The following CACNA2D3 variants were observed in gnomAD, a reference collection of about 807,000 sequenced individuals.
The protein encoded by CACNA2D3 is voltage-dependent calcium channel subunit alpha-2/delta-3.
CACNA2D3 carries 60 observed loss-of-function variants against 160.6 expected under a neutral mutation model. The ratio of observed to expected loss-of-function variants is 0.37; its 90% CI spans 0.30 to 0.46. The LOEUF (loss-of-function observed/expected upper bound fraction) is 0.46. CACNA2D3 is among the 20% of genes least tolerant of loss of function. The probability of loss-of-function intolerance (pLI) is 1.00; values close to 1 mark genes in which losing one functional copy is unlikely to be tolerated. For synonymous variants in CACNA2D3, 558 were observed against 492.9 expected, an observed-to-expected ratio of 1.13 and a Z score of -1.75; for missense variants, 1,205 against 1,365.0, an observed-to-expected ratio of 0.88 and a Z score of 1.85.
intron 27 of CACNA2D3, among the ~76,000 whole-genome samples, chr3:54,968,183 T>C (rs1702192712): frequency 6.6e-6 from 1 of 152,048 alleles, no homozygotes; most frequent in Non-Finnish European, 1.5e-5. Flanking sequence ...GGTGCAAGCA[T>C]ATGAATTTTA....
intron 11 of CACNA2D3, among the ~76,000 whole-genome samples, chr3:54,695,038 A>G (rs1389915649): frequency 2.0e-5 from 3 of 151,648 alleles, no homozygotes; most frequent in Admixed American, 6.6e-5. Flanking sequence ...TTTTTTTGAG[A>G]TGGAGTTTTG....
At chr3:54,840,704 C>T (rs1404038471) in intron 16 of CACNA2D3, among the ~76,000 whole-genome samples, 1 of 142,050 alleles carries the variant, frequency 7.0e-6, no homozygotes, top group Non-Finnish European at 1.5e-5. Context: ...CCACTGCACC[C>T]TGCCAAGAGC....
In CACNA2D3 at chr3:54,854,362, C is replaced by T. The variant is rs1304100810; in HGVS notation, c.1626+7895C>T. On this transcript the variant is annotated intron_variant, in intron 17 of 37. Coordinates refer to ENST00000474759, the MANE Select transcript of CACNA2D3 (RefSeq NM_018398.3). Reference sequence around the variant, plus strand: ...GGTCTGGGCACGAGTGGACAGATTGCAGCGTTGAGGGGAGGGCTTACAACT... The same window carrying T: ...GGTCTGGGCACGAGTGGACAGATTGTAGCGTTGAGGGGAGGGCTTACAACT... Among the ~76,000 whole-genome samples, 3 of 152,184 alleles carry T rather than the reference C, an allele frequency of 2.0e-5. No homozygotes were observed. The East Asian group carries it at 5.8e-4, about 29-fold the overall frequency.
At chr3:54,600,597 C>CA (rs1160002887) in intron 9 of CACNA2D3, among the ~76,000 whole-genome samples, 1 of 152,156 alleles carries the variant, frequency 6.6e-6, no homozygotes, top group African/African-American at 2.4e-5. Flanking sequence ...GGCTTCTCCT[C>CA]AAGGACCACT....
chr3:54,573,797 C>T (rs147525409), intron 8 of CACNA2D3, among the ~76,000 whole-genome samples: 200 of 152,360 alleles, frequency 1.3e-3, no homozygotes, highest in African/African-American at 4.4e-3. Flanking sequence ...TTTTCATTTG[C>T]ATTCCCTTGA....
rs189922751 is a variant in CACNA2D3, at chr3:54,286,179, G to A, written c.205-34263G>A. The stretch of plus-strand genomic sequence containing the variant: ...CAATGGCAAAGAAGTTAAAAACTTT[G>A]AAAAAAAATTAGAGGAATGTATAAC... On this transcript the variant is annotated intron_variant, in intron 2 of 37. Coordinates refer to ENST00000474759, the MANE Select transcript of CACNA2D3 (RefSeq NM_018398.3). Among the ~76,000 whole-genome samples, 647 of 151,910 alleles carry A rather than the reference G, an allele frequency of 4.3e-3. 4 individuals carry two copies. Among genetic ancestry groups the A allele is most frequent in the African/African-American group, 0.013 (538 of 41,454 alleles).
At position 54,290,305 on chromosome 3, in the gene CACNA2D3, G is replaced by A. The variant is rs1045297434; in HGVS notation, c.205-30137G>A. Among the ~76,000 whole-genome samples the A allele has an allele frequency of 3.3e-5, 5 of 152,296 alleles. No homozygotes were observed. The South Asian group carries it at 6.2e-4, about 19-fold the overall frequency. On this transcript the variant is annotated intron_variant, in intron 2 of 37. Coordinates refer to ENST00000474759, the MANE Select transcript of CACNA2D3 (RefSeq NM_018398.3). ...TTTATGCAGCCAAAAAGCACATGAAGAAATGCTCATCATCACTGGCCATCA... is the reference window on the plus strand; with the variant it reads ...TTTATGCAGCCAAAAAGCACATGAAAAAATGCTCATCATCACTGGCCATCA...
rs182873104 is a variant in CACNA2D3 at position 54,146,710 on chromosome 3, C to G, written c.204+23116C>G. On this transcript the variant is annotated intron_variant, in intron 2 of 37. Transcript: ENST00000474759. ...GTGGTCTTTCTGAGCCGCATGTGCACAGAACGTCTTAGGGGGAGGCCCTGA... is the reference window on the plus strand; with the variant it reads ...GTGGTCTTTCTGAGCCGCATGTGCAGAGAACGTCTTAGGGGGAGGCCCTGA... Among the ~76,000 whole-genome samples, 142 of 152,370 alleles carry G rather than the reference C, an allele frequency of 9.3e-4. 1 individual carries two copies. The highest frequency in any genetic ancestry group is 1.6e-3 in the Non-Finnish European group (112 of 68,040).
chr3:54,976,477 T>G (rs1488656187), intron 29 of CACNA2D3, among the ~76,000 whole-genome samples: 1 of 152,006 alleles, frequency 6.6e-6, no homozygotes, highest in Non-Finnish European at 1.5e-5. Flanking sequence ...AAACTTAAAG[T>G]ATAATAATAA....
At chr3:54,713,850 G>C (rs1415439670) in intron 11 of CACNA2D3, among the ~76,000 whole-genome samples, 1 of 152,186 alleles carries the variant, frequency 6.6e-6, no homozygotes, top group Non-Finnish European at 1.5e-5. Flanking sequence ...TTAAATCTTA[G>C]CCTGAATGTT....
At chr3:54,775,025 A>G (rs1702400934) in intron 13 of CACNA2D3, among the ~76,000 whole-genome samples, 1 of 152,162 alleles carries the variant, frequency 6.6e-6, no homozygotes, top group African/African-American at 2.4e-5. Context: ...ATCTAACATA[A>G]TGTTGTTAAC....
rs572818267 is a variant in CACNA2D3, at chr3:54,399,920, G to A, written c.381+13146G>A. ...CAGCCTCGTTGCCGCCTTGCAGTTT[G>A]ATCTCAGACTGCTGTGCTAGCAATC... On this transcript the variant is annotated intron_variant, in intron 4 of 37. Coordinates refer to ENST00000474759, the MANE Select transcript of CACNA2D3 (RefSeq NM_018398.3). Among the ~76,000 whole-genome samples, 38 of 121,532 alleles carry A rather than the reference G, an allele frequency of 3.1e-4. 2 individuals are homozygous for A. The East Asian group carries it at 8.6e-3, about 28-fold the overall frequency. 79.7% of individuals were successfully genotyped at this position (121,532 alleles called of 152,430 possible). A position where few individuals can be genotyped will look rare whatever the true frequency, so the allele number is the denominator to read the frequency against.
intron 2 of CACNA2D3, among the ~76,000 whole-genome samples, chr3:54,183,129 A>G (rs1381009124): frequency 6.6e-6 from 1 of 152,120 alleles, no homozygotes; most frequent in African/African-American, 2.4e-5. Flanking sequence ...CTTGACCCCA[A>G]CAAAATTGGA....
chr3:54,135,281 TG>T (rs1442257274), intron 2 of CACNA2D3, among the ~76,000 whole-genome samples: 1 of 152,208 alleles, frequency 6.6e-6, no homozygotes, highest in African/African-American at 2.4e-5. Flanking sequence ...GCAACATACC[TG>T]CAGCATCCAC....
At chr3:54,903,242 T>G (rs1200528312) in intron 27 of CACNA2D3, among the ~76,000 whole-genome samples, 2 of 152,198 alleles carry the variant, frequency 1.3e-5, no homozygotes, top group Non-Finnish European at 2.9e-5. Context: ...GTGTGTGTTG[T>G]TCCCCTCTCT....
chr3:54,143,987 A>G lies in CACNA2D3; in HGVS notation c.204+20393A>G, dbSNP rs142328215. ...ACCACAAAAAATGCTGCTTTTTCAT[A>G]TGATAGATAAAATTTATCCTCTTCT... On this transcript the variant is annotated intron_variant, in intron 2 of 37. Coordinates refer to ENST00000474759, the MANE Select transcript of CACNA2D3 (RefSeq NM_018398.3). Among the ~76,000 whole-genome samples, 810 of 152,290 alleles carry G rather than the reference A, an allele frequency of 5.3e-3. 12 individuals are homozygous for G. Among genetic ancestry groups the G allele is most frequent in the African/African-American group, 0.019 (787 of 41,566 alleles).
intron 2 of CACNA2D3, among the ~76,000 whole-genome samples, chr3:54,283,188 A>G (rs971299557): frequency 6.6e-6 from 1 of 152,230 alleles, no homozygotes; most frequent in Non-Finnish European, 1.5e-5. Context: ...TTGATAGGGA[A>G]GGTGGTGTCA....
intron 3 of CACNA2D3, among the ~76,000 whole-genome samples, chr3:54,380,691 C>T (rs941934338): frequency 6.6e-6 from 1 of 152,066 alleles, no homozygotes; most frequent in Admixed American, 6.6e-5. Context: ...GAGCCGAGAT[C>T]ACCTGGGCAA....
At chr3:54,158,466 A>G (rs917986766) in intron 2 of CACNA2D3, among the ~76,000 whole-genome samples, 3 of 152,200 alleles carry the variant, frequency 2.0e-5, no homozygotes, top group Non-Finnish European at 4.4e-5. Context: ...CACCCCAGTG[A>G]GAATTATGCC....
Sources: allele counts gnomAD v4.1 joint callset (sites outside exome capture counted in the v4.1 genomes callset), GRCh38; gene constraint gnomAD v4.1.1; transcripts MANE v1.5; gene names NCBI Gene and HGNC (gene_info 2026-07-23, HGNC 2026-07-21).